The following TCF12 variants were observed in gnomAD, a reference collection of about 807,000 sequenced individuals.
The protein encoded by TCF12 is DNA-binding protein HTF4.
A neutral mutation model predicts 86.0 loss-of-function variants in TCF12; 45 were observed. That is an observed-to-expected ratio of 0.52 (90% CI 0.41 to 0.67). TCF12 has a LOEUF of 0.67. TCF12 is among the 30% of genes least tolerant of loss of function. TCF12 has a pLI of 0.00. For synonymous variants in TCF12, 330 were observed against 299.6 expected (o/e 1.10, Z -1.05); for missense variants, 881 against 859.9 (o/e 1.02, Z -0.31).
chr15:57,033,825 G>A (rs1009960381), intron 3 of TCF12, among the ~76,000 whole-genome samples: 1 of 152,066 alleles, frequency 6.6e-6, no homozygotes, highest in Non-Finnish European at 1.5e-5. Flanking sequence ...AGGTCCAAAA[G>A]GAAAGTAAAC....
At chr15:57,152,838 A>C (rs954868649) in intron 5 of TCF12, among the ~76,000 whole-genome samples, 1 of 151,636 alleles carries the variant, frequency 6.6e-6, no homozygotes, top group Non-Finnish European at 1.5e-5. Context: ...AGACTTAAGA[A>C]ACAACAAGAA....
rs868214936 is a variant in TCF12, at chr15:56,968,364, G to T, written c.148+47266G>T. 8.6e-3 allele frequency among the ~76,000 whole-genome samples: 1,105 copies of T among 128,710 alleles called. 16 individuals carry two copies. Among genetic ancestry groups the T allele is most frequent in the African/African-American group, 0.027 (1,001 of 36,944 alleles). The allele number at this position is 128,710 out of a possible 152,430, so 84.4% of individuals were successfully genotyped here. On this transcript the variant is annotated intron_variant, in intron 3 of 20. Coordinates refer to ENST00000333725, the MANE Select transcript of TCF12 (RefSeq NM_207037.2). ...GCATCCATTCATATTACCTTTTTTTGTTTTTTTTTTTTTTGAAATGGGGGT... is the reference window on the plus strand; with the variant it reads ...GCATCCATTCATATTACCTTTTTTTTTTTTTTTTTTTTTTGAAATGGGGGT...
intron 3 of TCF12, among the ~76,000 whole-genome samples, chr15:56,948,153 A>G (rs1320921893): frequency 6.6e-6 from 1 of 151,144 alleles, no homozygotes; most frequent in Non-Finnish European, 1.5e-5. Context: ...ATGGGATCTC[A>G]CTCTGTTGCC....
chr15:57,029,925 T>G (rs2066048900), intron 3 of TCF12, among the ~76,000 whole-genome samples: 3 of 152,254 alleles, frequency 2.0e-5, no homozygotes, highest in Admixed American at 1.3e-4. Flanking sequence ...TTTTCTTTTA[T>G]TGCTGAGTGG....
Position 57,282,501 on chromosome 15 carries a change from T to C in TCF12, c.2035T>C (p.Ser679Pro), listed in dbSNP as rs1854351153. The stretch of plus-strand genomic sequence containing the variant: ...TAAGAGAAGGGAAGAAGAAAAAGTT[T>C]CTGCCGTATCGGCAGAGCCGCCAAC... Reference protein sequence around the residue: ...CLKRREEEKVSAVSAEPPTTL... With the variant: ...CLKRREEEKVPAVSAEPPTTL... Residue 679 changes from serine to proline, a missense_variant, in exon 20 of 21, where the codon TCT becomes CCT. Transcript: ENST00000333725. The C allele has an allele frequency of 1.9e-6, 3 of 1,614,146 alleles. No homozygotes were observed. The highest frequency in any genetic ancestry group is 2.5e-6 in the Non-Finnish European group (3 of 1,180,056).
intron 4 of TCF12, among the ~76,000 whole-genome samples, chr15:57,079,847 T>A (rs538226463): frequency 6.6e-6 from 1 of 152,262 alleles, no homozygotes; most frequent in East Asian, 1.9e-4. Context: ...TTTGTAGCAA[T>A]AAGGACTAAC....
intron 19 of TCF12, among the ~76,000 whole-genome samples, chr15:57,278,938 CTTCCT>C (rs1323823085): frequency 6.3e-5 from 5 of 79,642 alleles, no homozygotes; most frequent in Non-Finnish European, 1.0e-4. Context: ...GTCTTCCTTC[CTTCCT>C]TTTTTTTTTT....
chr15:57,074,951 T>C (rs1205723999), intron 4 of TCF12, among the ~76,000 whole-genome samples: 9 of 152,244 alleles, frequency 5.9e-5, no homozygotes, highest in Non-Finnish European at 1.3e-4. Flanking sequence ...CATGTATTTT[T>C]GTTGTCATAT....
chr15:56,966,868 A>G (rs2062028936), intron 3 of TCF12, among the ~76,000 whole-genome samples: 1 of 152,170 alleles, frequency 6.6e-6, no homozygotes, highest in African/African-American at 2.4e-5. Context: ...CACGCCTGTA[A>G]TCCCAGCACT....
intron 3 of TCF12, among the ~76,000 whole-genome samples, chr15:56,927,642 T>C (rs2060074198): frequency 6.6e-6 from 1 of 152,254 alleles, no homozygotes; most frequent in Admixed American, 6.5e-5. Context: ...AATGTGGTAC[T>C]GACCACCTTT....
intron 8 of TCF12, among the ~76,000 whole-genome samples, chr15:57,210,524 C>T (rs948755877): frequency 1.3e-5 from 2 of 152,012 alleles, no homozygotes; most frequent in South Asian, 2.1e-4. Flanking sequence ...CAGTGTGCCC[C>T]TTGGTTAGAT....
chr15:56,933,588 CTGTT>C (rs1384434575), intron 3 of TCF12, among the ~76,000 whole-genome samples: 1 of 152,112 alleles, frequency 6.6e-6, no homozygotes, highest in African/African-American at 2.4e-5. Flanking sequence ...CTCTCTGAGT[CTGTT>C]TATCTTATGT....
intron 4 of TCF12, among the ~76,000 whole-genome samples, chr15:57,067,538 CAAAAAAAAAAAAAA>C (rs141377160): frequency 1.7e-4 from 10 of 58,592 alleles, no homozygotes; most frequent in Middle Eastern, 0.014. Flanking sequence ...GACTCCGTCT[CAAAAAAAAAAAAAA>C]AAAAAAAAAA....
At chr15:57,117,614 A>G (rs2050934965) in intron 5 of TCF12, among the ~76,000 whole-genome samples, 1 of 152,158 alleles carries the variant, frequency 6.6e-6, no homozygotes, top group Admixed American at 6.5e-5. Context: ...TTATACTTAC[A>G]TTGTAATATT....
In TCF12 at chr15:57,223,643, G is replaced by GTTTTTT. The variant is rs550493641; in HGVS notation, c.580-7486_580-7481dup. On this transcript the variant is annotated intron_variant, in intron 8 of 20. Transcript: ENST00000333725. ...GTTTTGGCACCTGCCTACCAATGAG[G>GTTTTTT]TTTTTTTTTTTTTTTTTTTTTTTTT... 2.0e-4 allele frequency among the ~76,000 whole-genome samples: 14 copies of GTTTTTT among 69,666 alleles called. 5 individuals carry two copies. The highest frequency in any genetic ancestry group is 1.0e-3 in the East Asian group (2 of 1,994). The allele number at this position is 69,666 out of a possible 152,430, so 45.7% of individuals were successfully genotyped here.
Position 57,288,852 on chromosome 15 carries a change from A to G in TCF12, c.*2707A>G, listed in dbSNP as rs2035864752. 1 of 152,364 alleles carries G rather than the reference A, an allele frequency of 6.6e-6. No homozygotes were observed. The highest frequency in any genetic ancestry group is 1.5e-5 in the Non-Finnish European group (1 of 68,038). The allele number at this position is 152,364 out of a possible 1,614,324, so 9.4% of individuals were successfully genotyped here. A position where few individuals can be genotyped will look rare whatever the true frequency, so the allele number is the denominator to read the frequency against. On this transcript the variant is annotated 3_prime_UTR_variant, in exon 21 of 21. Coordinates refer to ENST00000333725, the MANE Select transcript of TCF12 (RefSeq NM_207037.2). The stretch of plus-strand genomic sequence containing the variant: ...TGAAGAAGATGGAAAAAGACTCAAA[A>G]GAGGCTTTTTAAGTTATTCTTCAAA...
chr15:57,253,413 T>G lies in TCF12; in HGVS notation c.1412T>G (p.Leu471Arg), dbSNP rs746539889. The stretch of plus-strand genomic sequence containing the variant: ...TCCCATAATGCACCAATTGGAAGCC[T>G]CAATTCAAACTATGGAGGATCAAGC... ...GPSHNAPIGS[L>R]NSNYGGSSLV... The change falls in exon 16 of 21, where the codon CTC becomes CGC. Residue 471 changes from leucine (L) to arginine (R), a missense_variant. By Grantham distance (102) the Leu-to-Arg change is moderately radical. This residue lies in a region of TCF12 where 766 missense variants were observed against 718.9 expected (regional missense o/e 1.07). Coordinates refer to ENST00000333725, the MANE Select transcript of TCF12 (RefSeq NM_207037.2). The G allele has an allele frequency of 6.2e-7, 1 of 1,614,104 alleles. No homozygotes were observed. The highest frequency in any genetic ancestry group is 1.3e-5 in the African/African-American group (1 of 75,054).
At chr15:57,109,964 T>A (rs2050380086) in intron 5 of TCF12, among the ~76,000 whole-genome samples, 1 of 152,180 alleles carries the variant, frequency 6.6e-6, no homozygotes, top group African/African-American at 2.4e-5. Context: ...ATATTTTAAT[T>A]GAAGACACAA....
chr15:57,138,608 A>G (rs1596754845), intron 5 of TCF12, among the ~76,000 whole-genome samples: 1 of 152,246 alleles, frequency 6.6e-6, no homozygotes, highest in Non-Finnish European at 1.5e-5. Flanking sequence ...AAACCATTCT[A>G]ACAGCCAGTT....
Sources: allele counts gnomAD v4.1 joint callset (sites outside exome capture counted in the v4.1 genomes callset), GRCh38; gene constraint gnomAD v4.1.1; regional missense constraint gnomAD v4.1.1; transcripts MANE v1.5; gene names NCBI Gene and HGNC (gene_info 2026-07-23, HGNC 2026-07-21).